Variants in IER3IP1 observed in about 807,000 individuals in gnomAD.
The protein encoded by IER3IP1 is immediate early response 3-interacting protein 1.
A neutral mutation model predicts 12.2 loss-of-function variants in IER3IP1; 16 were observed. The ratio of observed to expected loss-of-function variants is 1.31; its 90% confidence interval spans 0.89 to 1.99. IER3IP1 has a LOEUF of 1.99. Among genes scored for constraint, IER3IP1 ranks in the 30% most tolerant of loss-of-function variants. The probability of loss-of-function intolerance (pLI) is 0.00; values close to 1 mark genes in which losing one functional copy is unlikely to be tolerated. For synonymous variants in IER3IP1, 42 were observed against 40.0 expected, an observed-to-expected ratio of 1.05 and a Z score of -0.19; for missense variants, 95 against 95.8, an observed-to-expected ratio of 0.99 and a Z score of 0.03.
chr18:47,164,433 G>C (rs2063989494), intron 1 of IER3IP1, among the ~76,000 whole-genome samples: 2 of 151,604 alleles, frequency 1.3e-5, no homozygotes, highest in Admixed American at 1.3e-4. Flanking sequence ...GCTATATAGG[G>C]AGTCTCAGTT....
In IER3IP1 at chr18:47,176,347, C is replaced by G. The variant is rs2277717; in HGVS notation, c.-70G>C. 7.3e-6 allele frequency: 10 copies of G among 1,375,956 alleles called. No individual in the cohort carries two copies. The highest frequency in any genetic ancestry group is 9.1e-6 in the Non-Finnish European group (9 of 993,086). The allele number at this position is 1,375,956 out of a possible 1,614,324, so 85.2% of individuals were successfully genotyped here. The stretch of plus-strand genomic sequence containing the variant: ...CGCCGCAAGGGACGTGGCGCCTCCA[C>G]GGCCGGCGCCTTCCTACGGAAGCCG... On this transcript the variant is annotated 5_prime_UTR_variant, in exon 1 of 3. Coordinates refer to ENST00000256433, the MANE Select transcript of IER3IP1 (RefSeq NM_016097.5).
chr18:47,165,388 A>G (rs987119027), intron 1 of IER3IP1, among the ~76,000 whole-genome samples: 6 of 152,054 alleles, frequency 3.9e-5, no homozygotes, highest in Non-Finnish European at 7.4e-5. Context: ...AACCACCTCT[A>G]CTAAAACTAC....
chr18:47,176,092 C>A, intron 1 of IER3IP1, 95 bp downstream of exon 1: 1 of 1,011,364 alleles, frequency 9.9e-7, no homozygotes, highest in South Asian at 1.4e-5. Context: ...GTTCTTCTGT[C>A]CCGGCCCTTG....
intron 1 of IER3IP1, among the ~76,000 whole-genome samples, chr18:47,168,153 A>AAT (rs2064002630): frequency 8.1e-6 from 1 of 123,830 alleles, no homozygotes; most frequent in African/African-American, 3.6e-5. Context: ...AAAAAAAAAA[A>AAT]AATTTTAGCT....
chr18:47,167,992 C>T (rs138184143), intron 1 of IER3IP1, among the ~76,000 whole-genome samples: 1,824 of 151,660 alleles, frequency 0.012, 20 homozygotes, highest in Non-Finnish European at 0.019. Flanking sequence ...GGCGTGGTGG[C>T]GGCAGCACCT....
At chr18:47,167,890 G>A (rs1182416707) in intron 1 of IER3IP1, among the ~76,000 whole-genome samples, 5 of 151,904 alleles carry the variant, frequency 3.3e-5, no homozygotes, top group African/African-American at 9.7e-5. Context: ...TTAGGAAGCC[G>A]ACGCGGGTGG....
At chr18:47,164,028 A>C (rs2063988093) in intron 1 of IER3IP1, among the ~76,000 whole-genome samples, 1 of 152,154 alleles carries the variant, frequency 6.6e-6, no homozygotes, top group African/African-American at 2.4e-5. Context: ...TTATGCACTC[A>C]ATTTTTATTG....
Position 47,156,115 on chromosome 18 carries a change from G to T in IER3IP1, c.*62C>A. On this transcript the variant is annotated 3_prime_UTR_variant, in exon 3 of 3. Transcript: ENST00000256433. ...GCTAAGATATAAATATTCCAATAAT[G>T]ACCAAAGTAATAACTTCTACTGGCA... The T allele has an allele frequency of 4.9e-6, 5 of 1,020,490 alleles. No individual in the cohort carries two copies. In the South Asian group the frequency reaches 6.5e-5, roughly 13 times the overall value. The allele number at this position is 1,020,490 out of a possible 1,614,324, so 63.2% of individuals were successfully genotyped here.
intron 1 of IER3IP1, among the ~76,000 whole-genome samples, chr18:47,160,469 C>T (rs1316266936): frequency 3.9e-5 from 6 of 152,208 alleles, no homozygotes; most frequent in South Asian, 2.1e-4. Context: ...GGAATGCTAA[C>T]GCAGGCAAAT....
intron 1 of IER3IP1, among the ~76,000 whole-genome samples, chr18:47,171,655 T>C (rs1396356276): frequency 1.3e-5 from 2 of 152,256 alleles, no homozygotes; most frequent in Non-Finnish European, 2.9e-5. Flanking sequence ...TTTTCTACTA[T>C]GTATTTCATT....
intron 1 of IER3IP1, among the ~76,000 whole-genome samples, chr18:47,158,395 C>A (rs552924061): frequency 6.6e-6 from 1 of 152,154 alleles, no homozygotes; most frequent in South Asian, 2.1e-4. Context: ...GGCTGGAGTG[C>A]AGTGGTGTAA....
At chr18:47,161,478 T>G (rs2063979818) in intron 1 of IER3IP1, among the ~76,000 whole-genome samples, 1 of 152,208 alleles carries the variant, frequency 6.6e-6, no homozygotes, top group African/African-American at 2.4e-5. Flanking sequence ...AACCTTGTAA[T>G]CTTGATGTCT....
rs1344966583 is a variant in IER3IP1, at chr18:47,153,015, T to A, written c.*3162A>T. On this transcript the variant is annotated 3_prime_UTR_variant, in exon 3 of 3. Transcript: ENST00000256433. ...AAAACTACTGAGGTCTTAGGAAGTT[T>A]ATTTGCTTTCAGTCACATGGTAAAA... 1 of 152,236 alleles carries A rather than the reference T, an allele frequency of 6.6e-6. No individual in the cohort carries two copies. The highest frequency in any genetic ancestry group is 1.5e-5 in the Non-Finnish European group (1 of 68,038). The allele number at this position is 152,236 out of a possible 1,614,324, so 9.4% of individuals were successfully genotyped here. A position where few individuals can be genotyped will look rare whatever the true frequency, so the allele number is the denominator to read the frequency against.
intron 1 of IER3IP1, among the ~76,000 whole-genome samples, chr18:47,158,781 C>T (rs545222684): frequency 7.9e-5 from 12 of 151,690 alleles, no homozygotes; most frequent in South Asian, 2.1e-4. Flanking sequence ...GGTAACATGA[C>T]GAAACCCTGT....
intron 1 of IER3IP1, among the ~76,000 whole-genome samples, chr18:47,174,702 C>G (rs558676827): frequency 6.6e-6 from 1 of 151,930 alleles, no homozygotes; most frequent in South Asian, 2.1e-4. Flanking sequence ...CCCACATCCA[C>G]TGCTTTCCCT....
Position 47,155,374 on chromosome 18 carries a change from T to C in IER3IP1, c.*803A>G, listed in dbSNP as rs1013874799. The C allele has an allele frequency of 6.6e-6, 1 of 152,168 alleles. No individual in the cohort carries two copies. The highest frequency in any genetic ancestry group is 1.5e-5 in the Non-Finnish European group (1 of 68,030). The allele number at this position is 152,168 out of a possible 1,614,324, so 9.4% of individuals were successfully genotyped here. A position where few individuals can be genotyped will look rare whatever the true frequency, so the allele number is the denominator to read the frequency against. On this transcript the variant is annotated 3_prime_UTR_variant, in exon 3 of 3. Coordinates refer to ENST00000256433, the MANE Select transcript of IER3IP1 (RefSeq NM_016097.5). ...CTTCACAATAAACAGTCTTCTTGGGTAGTACAGTGTAATTGTGATTGTTTA... is the reference window on the plus strand; with the variant it reads ...CTTCACAATAAACAGTCTTCTTGGGCAGTACAGTGTAATTGTGATTGTTTA...
chr18:47,159,126 G>A (rs1226940366), intron 1 of IER3IP1, among the ~76,000 whole-genome samples: 1 of 152,156 alleles, frequency 6.6e-6, no homozygotes, highest in Non-Finnish European at 1.5e-5. Flanking sequence ...TAACAGCCAT[G>A]AGCAGGTGAA....
intron 1 of IER3IP1, among the ~76,000 whole-genome samples, chr18:47,171,301 C>G (rs1296128377): frequency 2.0e-5 from 3 of 152,112 alleles, no homozygotes; most frequent in African/African-American, 7.2e-5. Context: ...ATTTTTGCAG[C>G]TATATTCAAA....
chr18:47,156,266 AAGAAAAAACAG>A, intron 2 of IER3IP1, 34 bp from the exon 3 acceptor site: 2 of 1,257,350 alleles, frequency 1.6e-6, no homozygotes, highest in Non-Finnish European at 1.2e-6. Context: ...TGTTACTATA[AAGAAAAAACAG>A]AGAAAAAACC....
Sources: gnomAD v4.1 joint callset for allele counts (sites outside exome capture counted in the v4.1 genomes callset) on GRCh38, gnomAD v4.1.1 for gene constraint, MANE v1.5 for transcripts, NCBI Gene and HGNC (gene_info 2026-07-23, HGNC 2026-07-21) for gene names.